HHLA1: variants seen among roughly 807,000 people sequenced by gnomAD.
HHLA1 encodes the protein HERV-H LTR-associating protein 1.
In HHLA1, 72 loss-of-function variants were observed where a neutral mutation model predicts 69.9. That is an observed-to-expected ratio of 1.03 (90% confidence interval 0.85 to 1.25). HHLA1 has a LOEUF of 1.25. Ranked by LOEUF, HHLA1 falls within the 50% of genes most tolerant of loss-of-function variation. The probability of loss-of-function intolerance (pLI) is 0.00; values close to 1 mark genes in which losing one functional copy is unlikely to be tolerated. For missense variants in HHLA1, 685 were observed against 642.2 expected (o/e 1.07, Z -0.72); for synonymous variants, 252 against 233.2 (o/e 1.08, Z -0.73).
intron 13 of HHLA1, 26 bp downstream of exon 13, chr8:132,076,449 C>T: frequency 8.6e-7 from 1 of 1,160,606 alleles, no homozygotes; most frequent in Non-Finnish European, 1.2e-6. Context: ...ACCCCCAAAC[C>T]CCCACTTCCG....
chr8:132,104,907 AG>A (rs1365136914), intron 2 of HHLA1, among the ~76,000 whole-genome samples: 1 of 152,194 alleles, frequency 6.6e-6, no homozygotes, highest in African/African-American at 2.4e-5. Flanking sequence ...AGACAAGAGG[AG>A]AAGCTGGTTT....
At chr8:132,069,608 C>A (rs1211027231) in intron 15 of HHLA1, 1 of 152,178 alleles carries the variant, frequency 6.6e-6, no homozygotes, top group East Asian at 1.9e-4. Flanking sequence ...ATTCATTCAG[C>A]TATTATTTGC....
In HHLA1 at chr8:132,105,214, C is replaced by T; in HGVS notation, c.52G>A (p.Ala18Thr). 6.4e-7 allele frequency: 1 copy of T among 1,552,016 alleles called. No homozygotes were observed. Among genetic ancestry groups the T allele is most frequent in the Non-Finnish European group, 8.7e-7 (1 of 1,146,966 alleles). The change falls in exon 2 of 17, where the codon GCA (alanine) becomes ACA (threonine). Residue 18 changes from alanine to threonine, a missense_variant. Physicochemically the swap from Ala to Thr is moderately conservative, Grantham distance 58. Coordinates refer to ENST00000414222, the MANE Select transcript of HHLA1 (RefSeq NM_001145095.3). ...GPSMKLCMGL[A>T]CVLSLWNTVS... Reference sequence around the variant, plus strand: ...GTGTTCCAAAGGGACAAGACACATGCCAGGCCCATGCACAGCTTCATTGAA... The same window carrying T: ...GTGTTCCAAAGGGACAAGACACATGTCAGGCCCATGCACAGCTTCATTGAA...
intron 5 of HHLA1, among the ~76,000 whole-genome samples, chr8:132,096,305 C>G (rs1824025992): frequency 6.6e-6 from 1 of 152,186 alleles, no homozygotes; most frequent in South Asian, 2.1e-4. Context: ...TCCTTTGCCT[C>G]TTTCTTGTAA....
intron 8 of HHLA1, 66 bp downstream of exon 8, chr8:132,089,450 C>T (rs1823910278): frequency 3.5e-6 from 3 of 855,092 alleles, no homozygotes; most frequent in East Asian, 5.3e-5. Context: ...ACATAATATG[C>T]TTCATTATCT....
intron 10 of HHLA1, among the ~76,000 whole-genome samples, chr8:132,087,226 G>C (rs1823878298): frequency 6.6e-6 from 1 of 152,224 alleles, no homozygotes; most frequent in African/African-American, 2.4e-5. Context: ...GTGGCACAGA[G>C]GGGCATGAGG....
intron 3 of HHLA1, among the ~76,000 whole-genome samples, chr8:132,100,374 A>G (rs1824092889): frequency 6.7e-6 from 1 of 149,480 alleles, no homozygotes; most frequent in Admixed American, 6.6e-5. Context: ...ATTCTGATAC[A>G]GGGGGTCTAA....
chr8:132,093,093 G>A (rs985879272), intron 7 of HHLA1, among the ~76,000 whole-genome samples: 3 of 152,194 alleles, frequency 2.0e-5, no homozygotes, highest in Non-Finnish European at 4.4e-5. Flanking sequence ...TATATGTAGA[G>A]CAGGATGTCT....
chr8:132,074,038 T>C (rs1823593762), intron 14 of HHLA1, among the ~76,000 whole-genome samples: 1 of 152,244 alleles, frequency 6.6e-6, no homozygotes, highest in South Asian at 2.1e-4. Context: ...CTCAGAAGTC[T>C]ACACTCCTTG....
chr8:132,098,296 G>T lies in HHLA1; in HGVS notation c.280+586C>A, dbSNP rs537859729. 3.9e-5 allele frequency among the ~76,000 whole-genome samples: 6 copies of T among 152,248 alleles called. No individual in the cohort carries two copies. The South Asian group carries it at 1.2e-3, about 32-fold the overall frequency. On this transcript the variant is annotated intron_variant, in intron 5 of 16. Transcript: ENST00000414222. ...TTACAATAATATTGTCTTAAAAAAA[G>T]AAATCCAGAATCATATTAACTTAAT...
intron 3 of HHLA1, among the ~76,000 whole-genome samples, chr8:132,100,644 G>A (rs1322210455): frequency 6.6e-6 from 1 of 152,032 alleles, no homozygotes; most frequent in African/African-American, 2.4e-5. Context: ...ATTCACTGAG[G>A]GCCAAGCTAT....
chr8:132,108,864 TA>T (rs1334464765), intron 1 of HHLA1, among the ~76,000 whole-genome samples: 3 of 152,182 alleles, frequency 2.0e-5, no homozygotes, highest in Non-Finnish European at 2.9e-5. Context: ...TTTCCCCATA[TA>T]TTTCCTTCCC....
At position 132,086,223 on chromosome 8, in the gene HHLA1, C is replaced by G. The variant is rs147146746; in HGVS notation, c.676+1430G>C. Among the ~76,000 whole-genome samples, 934 of 152,234 alleles carry G rather than the reference C, an allele frequency of 6.1e-3. 9 individuals are homozygous for G. Among genetic ancestry groups the G allele is most frequent in the African/African-American group, 0.022 (901 of 41,536 alleles). ...CAAGAGGTGGCAGCAGTGGATATGA[C>G]GATGACAGGCTCCTATTAGCCCATA... On this transcript the variant is annotated intron_variant, in intron 10 of 16. Coordinates refer to ENST00000414222, the MANE Select transcript of HHLA1 (RefSeq NM_001145095.3).
At chr8:132,084,873 T>C (rs951278549) in intron 10 of HHLA1, among the ~76,000 whole-genome samples, 8 of 151,490 alleles carry the variant, frequency 5.3e-5, no homozygotes, top group African/African-American at 1.2e-4. Context: ...AAATAAGCGA[T>C]TGGGGGGTTC....
At chr8:132,080,975 GAGA>G (rs1171048787) in intron 10 of HHLA1, 1 of 152,118 alleles carries the variant, frequency 6.6e-6, no homozygotes, top group Non-Finnish European at 1.5e-5. Context: ...AATGGAATAA[GAGA>G]AGGAGAAAAA....
chr8:132,075,567 C>G (rs1823620713), intron 14 of HHLA1, among the ~76,000 whole-genome samples: 1 of 152,196 alleles, frequency 6.6e-6, no homozygotes, highest in Non-Finnish European at 1.5e-5. Flanking sequence ...TCCCTTAACA[C>G]AGAACAACAG....
rs139216791 is a variant in HHLA1 at position 132,109,659 on chromosome 8, C to T, written c.-22+1443G>A. ...GATAAAGGCCCAGGGTTCTGACGTG[C>T]AGCCCCCAGCTCCCAGTCACATGAT... On this transcript the variant is annotated intron_variant, in intron 1 of 16. Coordinates refer to ENST00000414222, the MANE Select transcript of HHLA1 (RefSeq NM_001145095.3). Among the ~76,000 whole-genome samples, 728 of 152,254 alleles carry T rather than the reference C, an allele frequency of 4.8e-3. 6 individuals carry two copies. The highest frequency in any genetic ancestry group is 0.017 in the African/African-American group (700 of 41,526).
intron 10 of HHLA1, chr8:132,080,252 G>A (rs1387411945): frequency 2.2e-6 from 1 of 464,510 alleles, no homozygotes; most frequent in Non-Finnish European, 4.1e-6. Context: ...GTGCGTCCGT[G>A]TGAAGAGACC....
chr8:132,084,007 G>T (rs1377208827), intron 10 of HHLA1, among the ~76,000 whole-genome samples: 1 of 151,176 alleles, frequency 6.6e-6, no homozygotes, highest in Non-Finnish European at 1.5e-5. Flanking sequence ...GTGTCTCAGG[G>T]TTGCTGCCAA....
Sources: gnomAD v4.1 joint callset for allele counts (sites outside exome capture counted in the v4.1 genomes callset) on GRCh38, gnomAD v4.1.1 for gene constraint, MANE v1.5 for transcripts, NCBI Gene and HGNC (gene_info 2026-07-23, HGNC 2026-07-21) for gene names.